FARS2: variants seen among roughly 807,000 people sequenced by gnomAD.
FARS2 encodes phenylalanine--tRNA ligase, mitochondrial.
A neutral mutation model predicts 46.4 loss-of-function variants in FARS2; 40 were observed. The observed-to-expected ratio is 0.86, with a 90% CI of 0.67 to 1.12. The LOEUF is 1.12. FARS2 is among the 50% of genes most tolerant of loss of function. The probability of loss-of-function intolerance (pLI) is 0.00; values close to 1 mark genes in which losing one functional copy is unlikely to be tolerated. For synonymous variants in FARS2, 234 were observed against 214.9 expected (o/e 1.09, Z -0.78); for missense variants, 513 against 567.9 (o/e 0.90, Z 0.98).
At chr6:5,391,863 T>C (rs1253044635) in intron 2 of FARS2, among the ~76,000 whole-genome samples, 2 of 152,248 alleles carry the variant, frequency 1.3e-5, no homozygotes, top group Non-Finnish European at 2.9e-5. Context: ...AATTCCTTGC[T>C]CAGTAATTCC....
At chr6:5,402,468 A>G (rs1333817493) in intron 2 of FARS2, among the ~76,000 whole-genome samples, 1 of 151,426 alleles carries the variant, frequency 6.6e-6, no homozygotes, top group African/African-American at 2.4e-5. Context: ...TTGAGTAATA[A>G]TTTTCTATAT....
At chr6:5,514,585 G>A (rs1197588810) in intron 4 of FARS2, among the ~76,000 whole-genome samples, 1 of 152,196 alleles carries the variant, frequency 6.6e-6, no homozygotes, top group Non-Finnish European at 1.5e-5. Context: ...CATGGTTTCA[G>A]TTTGTAAATT....
At chr6:5,736,264 G>C (rs73718401) in intron 6 of FARS2, among the ~76,000 whole-genome samples, 2 of 152,322 alleles carry the variant, frequency 1.3e-5, no homozygotes, top group Non-Finnish European at 2.9e-5. Context: ...AGCAGGGAGA[G>C]GCCACATGTC....
chr6:5,382,372 A>G (rs1185959856), intron 2 of FARS2, among the ~76,000 whole-genome samples: 1 of 152,218 alleles, frequency 6.6e-6, no homozygotes, highest in Non-Finnish European at 1.5e-5. Context: ...AGTGATAGCA[A>G]TGAGGTGTCA....
intron 5 of FARS2, among the ~76,000 whole-genome samples, chr6:5,611,315 T>A (rs1296820330): frequency 6.6e-6 from 1 of 152,210 alleles, no homozygotes; most frequent in Non-Finnish European, 1.5e-5. Flanking sequence ...AGAAACCCAG[T>A]AGGCTGGGCT....
chr6:5,686,615 G>A (rs1170664673), intron 6 of FARS2, among the ~76,000 whole-genome samples: 2 of 152,146 alleles, frequency 1.3e-5, no homozygotes, highest in African/African-American at 4.8e-5. Flanking sequence ...TTGGACATTT[G>A]GGTTGGTTCC....
At chr6:5,704,230 T>C (rs1758608017) in intron 6 of FARS2, among the ~76,000 whole-genome samples, 1 of 152,194 alleles carries the variant, frequency 6.6e-6, no homozygotes, top group African/African-American at 2.4e-5. Context: ...AGGGCCCACC[T>C]CTTGGCTCAT....
At chr6:5,321,670 A>G (rs1769986204) in intron 1 of FARS2, among the ~76,000 whole-genome samples, 1 of 152,114 alleles carries the variant, frequency 6.6e-6, no homozygotes, top group Non-Finnish European at 1.5e-5. Flanking sequence ...GTCATTTTTC[A>G]TCCATATAGA....
chr6:5,361,761 C>A (rs1380015132), intron 1 of FARS2, among the ~76,000 whole-genome samples: 1 of 152,124 alleles, frequency 6.6e-6, no homozygotes, highest in Non-Finnish European at 1.5e-5. Flanking sequence ...TGTGCTTGAA[C>A]ACTTTTGTCT....
intron 1 of FARS2, among the ~76,000 whole-genome samples, chr6:5,274,754 C>T (rs1766212064): frequency 6.6e-6 from 1 of 152,128 alleles, no homozygotes; most frequent in African/African-American, 2.4e-5. Context: ...TCTGTCACCC[C>T]AGCTGGAGTG....
intron 3 of FARS2, among the ~76,000 whole-genome samples, chr6:5,417,170 A>G (rs1762287270): frequency 6.6e-6 from 1 of 151,912 alleles, no homozygotes; most frequent in Non-Finnish European, 1.5e-5. Context: ...TTTATTTTTG[A>G]GATATTTTCA....
intron 6 of FARS2, among the ~76,000 whole-genome samples, chr6:5,740,424 G>A (rs77196150): frequency 0.038 from 5,821 of 152,104 alleles, 378 homozygotes; most frequent in African/African-American, 0.13. Context: ...TAAGTAAATA[G>A]TAGAGATTTC....
chr6:5,731,554 T>G (rs1462182070), intron 6 of FARS2, among the ~76,000 whole-genome samples: 2 of 152,202 alleles, frequency 1.3e-5, no homozygotes, highest in African/African-American at 4.8e-5. Flanking sequence ...AGTATGGTTT[T>G]TAATGAACAG....
At chr6:5,408,187 C>T (rs368562277) in intron 3 of FARS2, among the ~76,000 whole-genome samples, 32 of 152,196 alleles carry the variant, frequency 2.1e-4, no homozygotes, top group African/African-American at 7.2e-4. Flanking sequence ...ATCTTGAGCT[C>T]TCTCCTTGGG....
At chr6:5,682,241 C>CTA (rs1015871633) in intron 6 of FARS2, among the ~76,000 whole-genome samples, 2 of 152,010 alleles carry the variant, frequency 1.3e-5, no homozygotes, top group Admixed American at 1.3e-4. Context: ...AAATTAATAT[C>CTA]TATATATAGT....
chr6:5,719,157 A>G (rs552021594), intron 6 of FARS2, among the ~76,000 whole-genome samples: 2 of 152,252 alleles, frequency 1.3e-5, no homozygotes, highest in South Asian at 4.1e-4. Context: ...CTGAGGCAAG[A>G]GGATAGCTTG....
chr6:5,703,927 C>G (rs1758587882), intron 6 of FARS2, among the ~76,000 whole-genome samples: 1 of 152,118 alleles, frequency 6.6e-6, no homozygotes, highest in Non-Finnish European at 1.5e-5. Flanking sequence ...CTAAACTGTC[C>G]CGATCTAGCT....
At position 5,419,941 on chromosome 6, in the gene FARS2, G is replaced by A. The variant is rs562321005; in HGVS notation, c.773-11100G>A. On this transcript the variant is annotated intron_variant, in intron 3 of 6. Coordinates refer to ENST00000274680, the MANE Select transcript of FARS2 (RefSeq NM_006567.5). ...TCTGGCCTGTGGAGGTTTACATTTT[G>A]TATTAGTCCATTTTCACATTGCTGA... Among the ~76,000 whole-genome samples, 8 of 152,214 alleles carry A rather than the reference G, an allele frequency of 5.3e-5. No individual in the cohort carries two copies. In the East Asian group the frequency reaches 1.5e-3, roughly 29 times the overall value.
At chr6:5,704,993 CATT>C (rs1332178791) in intron 6 of FARS2, among the ~76,000 whole-genome samples, 1 of 152,150 alleles carries the variant, frequency 6.6e-6, no homozygotes, top group Non-Finnish European at 1.5e-5. Context: ...TCTGGGCTGT[CATT>C]ATTATAGTTC....
Sources: gnomAD v4.1 joint callset for allele counts (sites outside exome capture counted in the v4.1 genomes callset) on GRCh38, gnomAD v4.1.1 for gene constraint, MANE v1.5 for transcripts, NCBI Gene and HGNC (gene_info 2026-07-23, HGNC 2026-07-21) for gene names.